CIITA: variants seen among roughly 807,000 people sequenced by gnomAD.
The protein encoded by CIITA is class II major histocompatibility complex transactivator.
A neutral mutation model predicts 115.1 loss-of-function variants in CIITA; 72 were observed. The ratio of observed to expected loss-of-function variants is 0.63; its 90% CI spans 0.52 to 0.76. CIITA has a LOEUF of 0.76. Ranked by LOEUF, CIITA falls within the 30% of genes least tolerant of loss-of-function variation. The pLI is 0.00. For synonymous variants in CIITA, 763 were observed against 635.6 expected (o/e 1.20, Z -3.02); for missense variants, 1,617 against 1,463.8 (o/e 1.10, Z -1.71).
rs1184126100 is a variant in CIITA at position 10,931,280 on chromosome 16, C to G, written c.*7425C>G. ...TGAACTATGACTGTGCCCCTGCACC[C>G]AGCCTGGGTGACAGAGACCCTGTCT... On this transcript the variant is annotated 3_prime_UTR_variant, in exon 20 of 20. Transcript: ENST00000324288. The G allele has an allele frequency of 1.3e-5, 2 of 152,902 alleles. No homozygotes were observed. Among genetic ancestry groups the G allele is most frequent in the South Asian group, 2.1e-4 (1 of 4,844 alleles). 9.5% of individuals were successfully genotyped at this position (152,902 alleles called of 1,614,324 possible). A position where few individuals can be genotyped will look rare whatever the true frequency, so the allele number is the denominator to read the frequency against.
In CIITA at chr16:10,908,023, A is replaced by G; in HGVS notation, c.2531A>G (p.Asp844Gly). Residue 844 changes from aspartate (D) to glycine (G), a missense_variant, in exon 11 of 20, where the codon GAT becomes GGT. By Grantham distance (94) the Asp-to-Gly change is moderately conservative. Coordinates refer to ENST00000324288, the MANE Select transcript of CIITA (RefSeq NM_000246.4). ...SFLGTRLTPP[D>G]AHVLGKALEA... ...CTGGGCACCCGCCTCACGCCTCCTG[A>G]TGCACATGTACTGGGCAAGGCCTTG... is the stretch of plus-strand genomic sequence containing the variant. 6.2e-7 allele frequency: 1 copy of G among 1,606,454 alleles called. No homozygotes were observed. The highest frequency in any genetic ancestry group is 8.5e-7 in the Non-Finnish European group (1 of 1,174,326).
At chr16:10,895,242 A>C in intron 1 of CIITA, 40 bp from the exon 2 acceptor site, 1 of 1,611,998 alleles carries the variant, frequency 6.2e-7, no homozygotes, top group South Asian at 1.1e-5. Context: ...GCCTCTTTCC[A>C]ACACCCTGTG....
At chr16:10,873,893 G>T (rs1400176272), upstream of CIITA, among the ~76,000 whole-genome samples, 1 of 152,138 alleles carries the variant, frequency 6.6e-6, no homozygotes, top group Non-Finnish European at 1.5e-5. Flanking sequence ...AACTGACTTT[G>T]TCCCAAGCAG....
At chr16:10,914,182 G>C (rs917923328) in intron 13 of CIITA, among the ~76,000 whole-genome samples, 1 of 152,102 alleles carries the variant, frequency 6.6e-6, no homozygotes, top group Non-Finnish European at 1.5e-5. Context: ...GTAGGCAAGC[G>C]GTCAATATTT....
intron 1 of CIITA, among the ~76,000 whole-genome samples, chr16:10,891,367 T>G (rs1011306279): frequency 6.6e-6 from 1 of 152,158 alleles, no homozygotes; most frequent in African/African-American, 2.4e-5. Context: ...TCTTGTCATC[T>G]GCAGAGTGAA....
chr16:10,898,892 G>T (rs769497700), intron 4 of CIITA, 33 bp from the exon 5 acceptor site: 1 of 1,612,336 alleles, frequency 6.2e-7, no homozygotes, highest in East Asian at 2.2e-5. Flanking sequence ...TTCATTGATT[G>T]TGTGAGTTGG....
Position 10,907,453 on chromosome 16 carries a change from C to A in CIITA, c.1961C>A (p.Pro654His). Residue 654 changes from proline (P) to histidine (H), a missense_variant, in exon 11 of 20, where the codon CCC (proline) becomes CAC (histidine). Transcript: ENST00000324288. This position sits in a 1 kb window ranked among gnomAD's most constrained non-coding sequence, Gnocchi z 5.0. Reference protein sequence around the residue: ...LLGRAALDSPPGALAELAKLA... With the variant: ...LLGRAALDSPHGALAELAKLA... ...GGCCGTGCAGCCCTCGACAGCCCCCCCGGGGCCCTGGCAGAGCTGGCCAAG... is the reference window on the plus strand; with the variant it reads ...GGCCGTGCAGCCCTCGACAGCCCCCACGGGGCCCTGGCAGAGCTGGCCAAG... 1 of 1,613,346 alleles carries A rather than the reference C, an allele frequency of 6.2e-7. No homozygotes were observed. The highest frequency in any genetic ancestry group is 8.5e-7 in the Non-Finnish European group (1 of 1,179,886).
intron 1 of CIITA, among the ~76,000 whole-genome samples, chr16:10,869,063 T>G (rs1207730072): frequency 6.6e-6 from 1 of 152,230 alleles, no homozygotes; most frequent in South Asian, 2.1e-4. Context: ...TTCATTTTGA[T>G]GGGGGTTCGG....
chr16:10,942,246 C>T lies in CIITA; in HGVS notation n.1372C>T, dbSNP rs2041112139. 2 of 364,242 alleles carry T rather than the reference C, an allele frequency of 5.5e-6. No individual in the cohort carries two copies. The highest frequency in any genetic ancestry group is 9.9e-6 in the Non-Finnish European group (2 of 203,044). The allele number at this position is 364,242 out of a possible 1,614,324, so 22.6% of individuals were successfully genotyped here. On this transcript the variant is annotated non_coding_transcript_exon_variant, in exon 2 of 2. Transcript: ENST00000573379. The surrounding 1 kb of genome is among the most constrained non-coding windows in gnomAD (Gnocchi z 5.0). ...TCGACCGCCCGGGCGGCGAGGCGGG[C>T]CCCCCTGAAGTGGCCCGCGGCTGCC...
intron 15 of CIITA, chr16:10,916,715 T>C (rs2039972805): frequency 1.9e-6 from 1 of 525,070 alleles, no homozygotes; most frequent in Admixed American, 3.1e-5. Context: ...CATTCACTCA[T>C]TCACCTATTC....
In CIITA at chr16:10,942,222, C is replaced by G; in HGVS notation, n.1348C>G. The G allele has an allele frequency of 2.5e-6, 1 of 401,898 alleles. No homozygotes were observed. Among genetic ancestry groups the G allele is most frequent in the Non-Finnish European group, 4.4e-6 (1 of 228,538 alleles). 24.9% of individuals were successfully genotyped at this position (401,898 alleles called of 1,614,324 possible). On this transcript the variant is annotated non_coding_transcript_exon_variant, in exon 2 of 2. Coordinates refer to the CIITA transcript ENST00000573379. This position sits in a 1 kb window ranked among gnomAD's most constrained non-coding sequence, Gnocchi z 5.0. Reference sequence around the variant, plus strand: ...CCGAGATGTGCCCCCAAGGATCTCTCGACCGCCCGGGCGGCGAGGCGGGCC... The same window carrying G: ...CCGAGATGTGCCCCCAAGGATCTCTGGACCGCCCGGGCGGCGAGGCGGGCC...
chr16:10,894,028 A>G (rs977382344), intron 1 of CIITA, among the ~76,000 whole-genome samples: 1 of 152,006 alleles, frequency 6.6e-6, no homozygotes, highest in Non-Finnish European at 1.5e-5. Context: ...CTTAAAAAAA[A>G]ATTAATAGAG....
intron 1 of CIITA, chr16:10,866,717 A>C: frequency 2.7e-6 from 1 of 375,084 alleles, no homozygotes; most frequent in Non-Finnish European, 5.3e-6. Flanking sequence ...AGCAGTGAAA[A>C]CTTGGAGCAC....
At position 10,941,525 on chromosome 16, in the gene CIITA, T is replaced by C; in HGVS notation, n.651T>C. On this transcript the variant is annotated non_coding_transcript_exon_variant, in exon 2 of 2. Coordinates refer to the CIITA transcript ENST00000573379. This position sits in a 1 kb window ranked among gnomAD's most constrained non-coding sequence, Gnocchi z 6.4. ...CTGGGAATTCCTCCCTCTCCCTTGC[T>C]AGCGCCCCAACCCGCCCTCATCCTG... The C allele has an allele frequency of 5.0e-6, 7 of 1,401,008 alleles. No homozygotes were observed. Among genetic ancestry groups the C allele is most frequent in the Non-Finnish European group, 5.6e-6 (6 of 1,074,584 alleles). 86.8% of individuals were successfully genotyped at this position (1,401,008 alleles called of 1,614,324 possible).
rs938914620 is a variant in CIITA at position 10,869,950 on chromosome 16, C to A, written c.-21+3631C>A. ...CCAAATACCTAGCACAGGGCCTGAG[C>A]ACAGGGTAGGTATGCAATATATATT... On this transcript the variant is annotated intron_variant, in intron 1 of 5. Coordinates refer to the CIITA transcript ENST00000636238. Among the ~76,000 whole-genome samples, 19 of 152,120 alleles carry A rather than the reference C, an allele frequency of 1.2e-4. No individual in the cohort carries two copies. In the East Asian group the frequency reaches 3.5e-3, roughly 28 times the overall value.
In CIITA at chr16:10,920,487, T is replaced by A. The variant is rs1360179049; in HGVS notation, c.3150-1680T>A. On this transcript the variant is annotated intron_variant, in intron 16 of 19. Transcript: ENST00000324288. The surrounding 1 kb of genome is among the most constrained non-coding windows in gnomAD (Gnocchi z 4.5). ...GTCTTGAAATCCTGGGCCCAAGCGA[T>A]CCACCCACCTCAGCCTTCCAAAGTG... is the stretch of plus-strand genomic sequence containing the variant. 1.3e-5 allele frequency among the ~76,000 whole-genome samples: 2 copies of A among 152,196 alleles called. No individual in the cohort carries two copies. Among genetic ancestry groups the A allele is most frequent in the Non-Finnish European group, 2.9e-5 (2 of 68,038 alleles).
At chr16:10,939,402 C>G (rs1449395877), downstream of CIITA, 1 of 152,286 alleles carries the variant, frequency 6.6e-6, no homozygotes, top group Non-Finnish European at 1.5e-5. This position sits in a 1 kb window ranked among gnomAD's most constrained non-coding sequence, Gnocchi z 4.9. Context: ...CTTTCCACTG[C>G]TCTTGGCTAT....
At chr16:10,902,859 C>T (rs1162409334) in intron 8 of CIITA, 58 bp downstream of exon 8, 3 of 1,596,118 alleles carry the variant, frequency 1.9e-6, no homozygotes, top group African/African-American at 1.3e-5. Context: ...TGCTCCCTGA[C>T]CTCATCCTCC....
intron 1 of CIITA, among the ~76,000 whole-genome samples, chr16:10,877,966 T>C (rs1385390781): frequency 6.6e-6 from 1 of 152,180 alleles, no homozygotes; most frequent in Non-Finnish European, 1.5e-5. Context: ...GAAGGCAGCA[T>C]GGCAGCTACA....
Sources: allele counts gnomAD v4.1 joint callset (sites outside exome capture counted in the v4.1 genomes callset), GRCh38; gene constraint gnomAD v4.1.1; non-coding constraint Gnocchi (gnomAD v3.1); transcripts MANE v1.5; gene names NCBI Gene and HGNC (gene_info 2026-07-23, HGNC 2026-07-21).